The following ANKS1B variants were observed in gnomAD, a reference collection of about 807,000 sequenced individuals.
ANKS1B encodes the protein ankyrin repeat and sterile alpha motif domain containing 1B, also known as ankyrin repeat and sterile alpha motif domain-containing protein 1B.
A neutral mutation model predicts 148.3 loss-of-function variants in ANKS1B; 36 were observed. That is an observed-to-expected ratio of 0.24 (90% confidence interval 0.19 to 0.32). ANKS1B has a LOEUF of 0.32. Ranked by LOEUF, ANKS1B falls within the 10% of genes least tolerant of loss-of-function variation. The probability of loss-of-function intolerance (pLI) is 1.00; values close to 1 mark genes in which losing one functional copy is unlikely to be tolerated. For synonymous variants in ANKS1B, 542 were observed against 560.8 expected, an observed-to-expected ratio of 0.97 and a Z score of 0.47; for missense variants, 1,157 against 1,542.6, an observed-to-expected ratio of 0.75 and a Z score of 4.19.
chr12:99,983,980 TCCTA>T, intron 1 of ANKS1B, 120 bp downstream of exon 1: 1 of 842,644 alleles, frequency 1.2e-6, no homozygotes, highest in African/African-American at 1.7e-5. Context: ...CAGTCTGTTT[TCCTA>T]CCTAATTTAA....
chr12:99,147,436 C>G (rs560406041), intron 15 of ANKS1B, among the ~76,000 whole-genome samples: 81 of 152,112 alleles, frequency 5.3e-4, no homozygotes, highest in Middle Eastern at 3.4e-3. Flanking sequence ...CATTAAGGAT[C>G]CTAAATATGA....
rs2058246383 is a variant in ANKS1B, at chr12:99,722,968, T to C, written c.1128+49954A>G. Among the ~76,000 whole-genome samples the C allele has an allele frequency of 2.0e-5, 3 of 152,130 alleles. No homozygotes were observed. In the South Asian group the frequency reaches 6.2e-4, roughly 31 times the overall value. On this transcript the variant is annotated intron_variant, in intron 8 of 26. Coordinates refer to ENST00000683438, the MANE Select transcript of ANKS1B (RefSeq NM_001352186.2). ...CCCGCCAAGGGAGGTGATGAGTGAG[T>C]GTGCCATCCAGCCTGGGAAACCATG... is the stretch of plus-strand genomic sequence containing the variant.
chr12:99,933,235 T>C (rs1181099782), intron 1 of ANKS1B, among the ~76,000 whole-genome samples: 6 of 152,070 alleles, frequency 3.9e-5, no homozygotes, highest in Admixed American at 3.3e-4. Context: ...GATGGCTTTG[T>C]CTATTTTGGG....
intron 8 of ANKS1B, among the ~76,000 whole-genome samples, chr12:99,715,975 G>C (rs555622366): frequency 2.0e-5 from 3 of 152,130 alleles, no homozygotes; most frequent in Non-Finnish European, 4.4e-5. Flanking sequence ...TTGCAGGGAC[G>C]CCTCTCCATT....
intron 17 of ANKS1B, among the ~76,000 whole-genome samples, chr12:99,040,466 T>C (rs1305272934): frequency 6.6e-6 from 1 of 152,180 alleles, no homozygotes. Flanking sequence ...GCTGAGAACA[T>C]GAGGGAAAGA....
At chr12:99,881,102 C>T (rs1409394437) in intron 1 of ANKS1B, among the ~76,000 whole-genome samples, 2 of 152,134 alleles carry the variant, frequency 1.3e-5, no homozygotes, top group Non-Finnish European at 2.9e-5. Context: ...TAGTATCCCC[C>T]AGTCTGGTGT....
At chr12:99,060,988 AC>A (rs1247611256) in intron 16 of ANKS1B, among the ~76,000 whole-genome samples, 1 of 152,192 alleles carries the variant, frequency 6.6e-6, no homozygotes, top group East Asian at 1.9e-4. Context: ...AGGATAAGGA[AC>A]CCTGAAAAGC....
intron 15 of ANKS1B, among the ~76,000 whole-genome samples, chr12:99,106,244 C>T (rs969126384): frequency 6.6e-6 from 1 of 152,224 alleles, no homozygotes; most frequent in Non-Finnish European, 1.5e-5. Flanking sequence ...TTCGCAACCA[C>T]AGTCTACTTC....
chr12:99,461,070 AT>A (rs1184248811), intron 10 of ANKS1B, among the ~76,000 whole-genome samples: 284 of 152,178 alleles, frequency 1.9e-3, no homozygotes, highest in African/African-American at 6.2e-3. Context: ...ATATATACAC[AT>A]ACACACACCA....
At chr12:99,394,392 A>T (rs1371234264) in intron 12 of ANKS1B, among the ~76,000 whole-genome samples, 1 of 152,096 alleles carries the variant, frequency 6.6e-6, no homozygotes, top group African/African-American at 2.4e-5. Context: ...TAACTTAAAA[A>T]TTCCCCTGTG....
intron 16 of ANKS1B, among the ~76,000 whole-genome samples, chr12:99,076,048 A>G (rs1599499111): frequency 6.6e-6 from 1 of 152,142 alleles, no homozygotes; most frequent in East Asian, 1.9e-4. Context: ...CATCTATATT[A>G]CTCATTACTG....
chr12:99,963,594 A>G (rs1566095444), intron 1 of ANKS1B, among the ~76,000 whole-genome samples: 1 of 152,196 alleles, frequency 6.6e-6, no homozygotes, highest in Non-Finnish European at 1.5e-5. Flanking sequence ...TTTCTTTGCA[A>G]TTAATGATAG....
At chr12:98,991,032 G>C (rs2099926309) in intron 17 of ANKS1B, among the ~76,000 whole-genome samples, 1 of 152,204 alleles carries the variant, frequency 6.6e-6, no homozygotes. Flanking sequence ...AAGTCAGTGA[G>C]ACTGGTTGTG....
At chr12:99,556,090 G>T (rs575680358) in intron 9 of ANKS1B, among the ~76,000 whole-genome samples, 2 of 151,936 alleles carry the variant, frequency 1.3e-5, no homozygotes, top group East Asian at 1.9e-4. Flanking sequence ...GTAGGCTTTT[G>T]GTTACTGATT....
At chr12:98,844,215 T>G (rs1261173987) in intron 17 of ANKS1B, among the ~76,000 whole-genome samples, 1 of 152,234 alleles carries the variant, frequency 6.6e-6, no homozygotes, top group Non-Finnish European at 1.5e-5. Flanking sequence ...ATCACCTAAC[T>G]TGTGTAAAAT....
intron 9 of ANKS1B, among the ~76,000 whole-genome samples, chr12:99,559,583 A>G (rs2097311788): frequency 6.6e-6 from 1 of 152,212 alleles, no homozygotes; most frequent in Non-Finnish European, 1.5e-5. Flanking sequence ...TGTTGCAGGC[A>G]TTATATTAAC....
chr12:99,929,433 C>T (rs572704949), intron 1 of ANKS1B, among the ~76,000 whole-genome samples: 1 of 152,112 alleles, frequency 6.6e-6, no homozygotes, highest in African/African-American at 2.4e-5. Flanking sequence ...AAAATTTTCT[C>T]CCATTCTGTA....
chr12:99,640,097 G>C (rs374483673), intron 9 of ANKS1B, among the ~76,000 whole-genome samples: 1 of 152,104 alleles, frequency 6.6e-6, no homozygotes, highest in Non-Finnish European at 1.5e-5. Flanking sequence ...ACTTGAACCC[G>C]GGAGGCAGAG....
intron 9 of ANKS1B, among the ~76,000 whole-genome samples, chr12:99,529,512 G>A (rs1260422323): frequency 6.6e-6 from 1 of 152,100 alleles, no homozygotes; most frequent in African/African-American, 2.4e-5. Flanking sequence ...AATGAGCAGG[G>A]CATGGTGGCG....
Sources: gnomAD v4.1 joint callset for allele counts (sites outside exome capture counted in the v4.1 genomes callset) on GRCh38, gnomAD v4.1.1 for gene constraint, MANE v1.5 for transcripts, NCBI Gene and HGNC (gene_info 2026-07-23, HGNC 2026-07-21) for gene names.